GARRE1: variants seen among roughly 807,000 people sequenced by gnomAD.
GARRE1 encodes the protein granule associated Rac and RHOG effector 1, also known as granule associated Rac and RHOG effector protein 1.
A neutral mutation model predicts 103.2 loss-of-function variants in GARRE1; 49 were observed. The observed-to-expected ratio is 0.47, with a 90% CI of 0.38 to 0.60. GARRE1 has a LOEUF of 0.60. GARRE1 is among the 20% of genes least tolerant of loss of function. The probability of loss-of-function intolerance (pLI) is 0.00; values close to 1 mark genes in which losing one functional copy is unlikely to be tolerated. For missense variants in GARRE1, 1,199 were observed against 1,370.5 expected (o/e 0.87, Z 1.98); for synonymous variants, 505 against 532.8 (o/e 0.95, Z 0.72).
intron 2 of GARRE1, among the ~76,000 whole-genome samples, chr19:34,306,225 G>C (rs2074006925): frequency 6.6e-6 from 1 of 152,212 alleles, no homozygotes; most frequent in South Asian, 2.1e-4. Context: ...GAGGTCTGTG[G>C]CCTAACATTG....
intron 2 of GARRE1, among the ~76,000 whole-genome samples, chr19:34,301,943 A>G (rs538895644): frequency 1.4e-5 from 2 of 147,712 alleles, no homozygotes; most frequent in East Asian, 3.9e-4. Flanking sequence ...TTGGTCTCCC[A>G]AAGTGTTGGG....
chr19:34,352,842 G>C lies in GARRE1; in HGVS notation c.3100G>C (p.Val1034Leu). 1.2e-6 allele frequency: 2 copies of C among 1,606,888 alleles called. No individual in the cohort carries two copies. The highest frequency in any genetic ancestry group is 1.7e-6 in the Non-Finnish European group (2 of 1,176,570). ...NDCSAAAFSYVQTPPQPPPPP... is the reference protein window; with the variant it reads ...NDCSAAAFSYLQTPPQPPPPP... ...CTGCAGTGCCGCTGCCTTCTCCTAT[G>C]TGCAGACCCCACCCCAGCCCCCACC... Residue 1034 changes from valine (V) to leucine (L), a missense_variant, in exon 14 of 14, where the codon GTG becomes CTG. Val to Leu is a conservative substitution (Grantham distance 32, BLOSUM62 1). Coordinates refer to ENST00000299505, the MANE Select transcript of GARRE1 (RefSeq NM_014686.5).
At chr19:34,313,470 T>C (rs571918595) in intron 2 of GARRE1, among the ~76,000 whole-genome samples, 1 of 152,254 alleles carries the variant, frequency 6.6e-6, no homozygotes, top group South Asian at 2.1e-4. Flanking sequence ...GGAGTGTCCC[T>C]GTCAGATGGG....
intron 3 of GARRE1, among the ~76,000 whole-genome samples, chr19:34,324,595 C>T (rs1478559211): frequency 2.0e-5 from 3 of 151,426 alleles, no homozygotes; most frequent in African/African-American, 4.9e-5. Context: ...TTGACCTCCT[C>T]GGCTCAAGCA....
chr19:34,264,099 A>C (rs1048084554), intron 1 of GARRE1, among the ~76,000 whole-genome samples: 1 of 152,100 alleles, frequency 6.6e-6, no homozygotes, highest in African/African-American at 2.4e-5. Flanking sequence ...AAGTGTAAAG[A>C]TGTGTCCAGC....
chr19:34,342,021 T>G lies in GARRE1; in HGVS notation c.2087T>G (p.Val696Gly). 1 of 1,614,114 alleles carries G rather than the reference T, an allele frequency of 6.2e-7. No individual in the cohort carries two copies. ...CAACCACAGCAGCCGTCACTGCCTG[T>G]GCCCCCTCCACCACGGGCACCCCAG... ...AMQPQQPSLP[V>G]PPPPRAPQAG... The change falls in exon 10 of 14, where the codon GTG becomes GGG. Residue 696 changes from valine to glycine, a missense_variant. By Grantham distance (109) the Val-to-Gly change is moderately radical (BLOSUM62 -3). Transcript: ENST00000299505.
chr19:34,255,753 G>A lies in GARRE1; in HGVS notation c.-796+1139G>A, dbSNP rs564296646. On this transcript the variant is annotated intron_variant, in intron 1 of 13. Coordinates refer to ENST00000299505, the MANE Select transcript of GARRE1 (RefSeq NM_014686.5). Reference sequence around the variant, plus strand: ...GGCCTCAAGCGACCCTCACGCCTTCGCCTTCCAAAGTGTTGGGATTACAAG... The same window carrying A: ...GGCCTCAAGCGACCCTCACGCCTTCACCTTCCAAAGTGTTGGGATTACAAG... Among the ~76,000 whole-genome samples, 3 of 150,216 alleles carry A rather than the reference G, an allele frequency of 2.0e-5. No homozygotes were observed. In the South Asian group the frequency reaches 6.4e-4, roughly 32 times the overall value.
chr19:34,301,531 A>AGG (rs1568535943), intron 2 of GARRE1, among the ~76,000 whole-genome samples: 1 of 149,862 alleles, frequency 6.7e-6, no homozygotes. Context: ...AAAAAAAAAA[A>AGG]AAAAAAAGAA....
intron 1 of GARRE1, among the ~76,000 whole-genome samples, chr19:34,279,940 C>G (rs1397958308): frequency 3.4e-5 from 5 of 148,494 alleles, no homozygotes; most frequent in Non-Finnish European, 7.4e-5. Context: ...AGCCGAGATC[C>G]CGCCACTGCA....
At chr19:34,295,320 T>C (rs2073941390) in intron 1 of GARRE1, among the ~76,000 whole-genome samples, 1 of 152,196 alleles carries the variant, frequency 6.6e-6, no homozygotes, top group Non-Finnish European at 1.5e-5. Flanking sequence ...TATTTATCTT[T>C]GATAAATTAT....
chr19:34,334,106 A>G (rs2074150041), intron 8 of GARRE1, among the ~76,000 whole-genome samples: 1 of 152,176 alleles, frequency 6.6e-6, no homozygotes, highest in Non-Finnish European at 1.5e-5. Context: ...TAAACATAGT[A>G]TATCATTTTC....
At chr19:34,330,111 A>G (rs1049891931) in intron 6 of GARRE1, 78 bp from the exon 7 acceptor site, 2 of 1,263,074 alleles carry the variant, frequency 1.6e-6, no homozygotes, top group African/African-American at 3.0e-5. Flanking sequence ...GGATGATTGT[A>G]TAAATGCATT....
chr19:34,355,264 A>G lies in GARRE1; in HGVS notation c.*2309A>G, dbSNP rs1346927026. ...TAATTGCATCTCCATGGGCTGTGAG[A>G]CTGTGTGAAGCCGTTTGTGTGGTCT... is the stretch of plus-strand genomic sequence containing the variant. On this transcript the variant is annotated 3_prime_UTR_variant, in exon 14 of 14. Coordinates refer to ENST00000299505, the MANE Select transcript of GARRE1 (RefSeq NM_014686.5). 6.6e-6 allele frequency: 1 copy of G among 152,600 alleles called. No individual in the cohort carries two copies. The highest frequency in any genetic ancestry group is 2.4e-5 in the African/African-American group (1 of 41,446). The allele number at this position is 152,600 out of a possible 1,614,324, so 9.5% of individuals were successfully genotyped here.
chr19:34,258,962 G>A (rs2073694881), intron 1 of GARRE1, among the ~76,000 whole-genome samples: 1 of 152,182 alleles, frequency 6.6e-6, no homozygotes, highest in Non-Finnish European at 1.5e-5. Context: ...AAGTTTGGGA[G>A]GCCAAGGTGG....
At chr19:34,310,100 G>A (rs993864628) in intron 2 of GARRE1, among the ~76,000 whole-genome samples, 2 of 152,192 alleles carry the variant, frequency 1.3e-5, no homozygotes, top group Non-Finnish European at 2.9e-5. Flanking sequence ...TTGCTGAAAA[G>A]GCTTGCGTGA....
At position 34,323,023 on chromosome 19, in the gene GARRE1, C is replaced by CTTTTTTTTTT. The variant is rs71165649; in HGVS notation, c.705+2925_705+2934dup. The stretch of plus-strand genomic sequence containing the variant: ...ATTAACTTGGCAAAGTATTTCTTTT[C>CTTTTTTTTTT]TTTTTTTTTTTTTTTTTTTTTTTTT... On this transcript the variant is annotated intron_variant, in intron 3 of 13. Transcript: ENST00000299505. Among the ~76,000 whole-genome samples, 5 of 66,666 alleles carry CTTTTTTTTTT rather than the reference C, an allele frequency of 7.5e-5. 1 individual carries two copies. The highest frequency in any genetic ancestry group is 2.3e-4 in the African/African-American group (4 of 17,560). The allele number at this position is 66,666 out of a possible 152,430, so 43.7% of individuals were successfully genotyped here.
At chr19:34,288,930 G>A (rs893185956) in intron 1 of GARRE1, among the ~76,000 whole-genome samples, 2 of 152,078 alleles carry the variant, frequency 1.3e-5, no homozygotes, top group East Asian at 1.9e-4. Flanking sequence ...CCAGGAGTTC[G>A]AGACCAGCCT....
chr19:34,263,478 T>C (rs2073732346), intron 1 of GARRE1, among the ~76,000 whole-genome samples: 1 of 151,658 alleles, frequency 6.6e-6, no homozygotes, highest in African/African-American at 2.4e-5. Context: ...ATTTTCTTTT[T>C]TTTCTTTTTT....
chr19:34,349,021 GC>G lies in GARRE1; in HGVS notation c.2695del (p.Leu899CysfsTer68). 1.2e-6 allele frequency: 2 copies of G among 1,610,850 alleles called. No individual in the cohort carries two copies. Reference protein sequence around the residue: ...PFPEFFTEGDGLHGGWSGAQG... With the variant: ...PFPEFFTEGDXLHGGWSGAQG... ...CTTCTCTCTCTGGCTTTCAGGGATG[GC>G]CTGCACGGTGGCTGGTCGGGTGCTC... On this transcript the variant is annotated frameshift_variant, in exon 12 of 14. Coordinates refer to ENST00000299505, the MANE Select transcript of GARRE1 (RefSeq NM_014686.5). LOFTEE classifies it high-confidence loss of function.
Sources: allele counts gnomAD v4.1 joint callset (sites outside exome capture counted in the v4.1 genomes callset), GRCh38; gene constraint gnomAD v4.1.1; transcripts MANE v1.5; gene names NCBI Gene and HGNC (gene_info 2026-07-23, HGNC 2026-07-21).